The following PLA2G4A variants were observed in gnomAD, a reference collection of about 807,000 sequenced individuals.
PLA2G4A encodes the protein cytosolic phospholipase A2.
PLA2G4A carries 40 observed loss-of-function variants against 81.9 expected under a neutral mutation model. The ratio of observed to expected loss-of-function variants is 0.49; its 90% confidence interval spans 0.38 to 0.64. The LOEUF (loss-of-function observed/expected upper bound fraction) is 0.64, where lower values mean the gene tolerates loss of function less well. Among genes scored for constraint, PLA2G4A ranks in the 30% least tolerant of loss-of-function variants. PLA2G4A has a pLI of 0.00. For synonymous variants in PLA2G4A, 302 were observed against 296.9 expected (o/e 1.02, Z -0.18); for missense variants, 715 against 905.1 (o/e 0.79, Z 2.69).
intron 5 of PLA2G4A, among the ~76,000 whole-genome samples, chr1:186,897,408 A>G (rs1362438193): frequency 6.6e-6 from 1 of 152,212 alleles, no homozygotes; most frequent in African/African-American, 2.4e-5. Context: ...CTTCATCTGT[A>G]AAATGAAGGG....
intron 15 of PLA2G4A, among the ~76,000 whole-genome samples, chr1:186,976,176 T>C (rs1011271764): frequency 2.6e-5 from 4 of 152,158 alleles, no homozygotes; most frequent in Non-Finnish European, 5.9e-5. Flanking sequence ...CCATGAATGT[T>C]TTACTCACTG....
chr1:186,853,832 T>C (rs12720496), intron 1 of PLA2G4A, among the ~76,000 whole-genome samples: 8,626 of 152,008 alleles, frequency 0.057, 825 homozygotes, highest in African/African-American at 0.2. Flanking sequence ...AAATTCAACA[T>C]GAATGTACTT....
At chr1:186,848,746 T>C (rs1213248854) in intron 1 of PLA2G4A, among the ~76,000 whole-genome samples, 8 of 149,018 alleles carry the variant, frequency 5.4e-5, no homozygotes, top group Non-Finnish European at 1.0e-4. Flanking sequence ...CACACACACA[T>C]ACACACATAC....
intron 7 of PLA2G4A, among the ~76,000 whole-genome samples, chr1:186,914,371 G>A (rs1655067733): frequency 6.8e-6 from 1 of 147,802 alleles, no homozygotes; most frequent in Non-Finnish European, 1.5e-5. Flanking sequence ...CAAAGTGCTA[G>A]TGTAGCAGGA....
chr1:186,972,465 T>A lies in PLA2G4A; in HGVS notation c.1765-5128T>A, dbSNP rs149385856. Among the ~76,000 whole-genome samples, 73 of 152,194 alleles carry A rather than the reference T, an allele frequency of 4.8e-4. 1 individual carries two copies. Among genetic ancestry groups the A allele is most frequent in the African/African-American group, 1.7e-3 (69 of 41,522 alleles). ...AGGGGAAAATGAAGGGACTTTGGGT[T>A]TTGTCGGGGAGCAAGAAAGCAAGGA... On this transcript the variant is annotated intron_variant, in intron 15 of 17. Coordinates refer to ENST00000367466, the MANE Select transcript of PLA2G4A (RefSeq NM_024420.3).
At chr1:186,896,237 G>A (rs774702086) in intron 5 of PLA2G4A, among the ~76,000 whole-genome samples, 3 of 152,174 alleles carry the variant, frequency 2.0e-5, no homozygotes, top group Non-Finnish European at 2.9e-5. Context: ...TTTCTGGTAC[G>A]TATTAGGCAC....
intron 17 of PLA2G4A, among the ~76,000 whole-genome samples, chr1:186,980,309 A>G (rs1378710423): frequency 6.6e-6 from 1 of 152,194 alleles, no homozygotes; most frequent in Admixed American, 6.5e-5. Flanking sequence ...TGTCTTCAGT[A>G]TCAATCCTTC....
intron 2 of PLA2G4A, among the ~76,000 whole-genome samples, chr1:186,856,670 TAAGATAATGTAAGCCTAC>T (rs890167425): frequency 4.6e-5 from 7 of 151,910 alleles, no homozygotes; most frequent in African/African-American, 1.7e-4. Flanking sequence ...ATAATAACCA[TAAGATAATGTAAGCCTAC>T]AGTGTAAGGG....
chr1:186,928,195 T>G (rs1017255914), intron 7 of PLA2G4A, among the ~76,000 whole-genome samples: 1 of 152,046 alleles, frequency 6.6e-6, no homozygotes, highest in African/African-American at 2.4e-5. Flanking sequence ...CAGACTGCAC[T>G]CAGCAAGGTG....
intron 15 of PLA2G4A, among the ~76,000 whole-genome samples, chr1:186,972,242 T>G (rs916070620): frequency 2.0e-4 from 31 of 152,090 alleles, no homozygotes; most frequent in African/African-American, 7.2e-4. Flanking sequence ...TACTATTAAT[T>G]TATCTAACAA....
intron 2 of PLA2G4A, among the ~76,000 whole-genome samples, chr1:186,862,681 C>G (rs1163201326): frequency 6.6e-6 from 1 of 152,118 alleles, no homozygotes; most frequent in Non-Finnish European, 1.5e-5. Context: ...ACCATCTGTG[C>G]AAAGACATCT....
chr1:186,956,656 G>T (rs1289183843), intron 14 of PLA2G4A, among the ~76,000 whole-genome samples: 1 of 151,992 alleles, frequency 6.6e-6, no homozygotes, highest in East Asian at 1.9e-4. Flanking sequence ...TGGGACTACA[G>T]GTGCACACCA....
chr1:186,869,541 G>T (rs1307925360), intron 2 of PLA2G4A, among the ~76,000 whole-genome samples: 1 of 152,028 alleles, frequency 6.6e-6, no homozygotes, highest in African/African-American at 2.4e-5. Flanking sequence ...TTATCAATCT[G>T]TCTACACTTT....
At chr1:186,893,918 C>A (rs1441251890) in intron 4 of PLA2G4A, among the ~76,000 whole-genome samples, 180 bp from the exon 5 acceptor site, 584 of 117,898 alleles carry the variant, frequency 5.0e-3, no homozygotes, top group African/African-American at 9.7e-3. Flanking sequence ...GACCCTGTCT[C>A]AAAAAAAAAA....
intron 17 of PLA2G4A, among the ~76,000 whole-genome samples, chr1:186,986,242 T>A (rs1286580467): frequency 6.6e-6 from 1 of 152,232 alleles, no homozygotes; most frequent in Non-Finnish European, 1.5e-5. Context: ...TGATTTTTTT[T>A]ATGCTCAAGA....
rs762971884 is a variant in PLA2G4A, at chr1:186,979,399, A to G, written c.2045A>G (p.Asn682Ser). 1 of 1,603,022 alleles carries G rather than the reference A, an allele frequency of 6.2e-7. No individual in the cohort carries two copies. The highest frequency in any genetic ancestry group is 1.1e-5 in the South Asian group (1 of 90,848). Residue 682 changes from asparagine (N) to serine (S), a missense_variant, in exon 17 of 18, where the codon AAT becomes AGT. By Grantham distance (46) the Asn-to-Ser change is conservative. Transcript: ENST00000367466. ...CCAGAATCACCATTTTCAACCTTCA[A>G]TTTTCAATATCCAAATCAAGCATTC... ...DDPESPFSTF[N>S]FQYPNQAFKR...
intron 3 of PLA2G4A, among the ~76,000 whole-genome samples, chr1:186,887,893 C>T (rs1653992215): frequency 6.6e-6 from 1 of 152,096 alleles, no homozygotes; most frequent in South Asian, 2.1e-4. Context: ...TTATTGTAAT[C>T]CAACTTTAAA....
chr1:186,951,480 AAAC>A (rs931712652), intron 13 of PLA2G4A, among the ~76,000 whole-genome samples: 56 of 152,192 alleles, frequency 3.7e-4, no homozygotes, highest in Admixed American at 7.9e-4. Context: ...ACAAAAACAA[AAAC>A]AACAACAACA....
intron 10 of PLA2G4A, among the ~76,000 whole-genome samples, chr1:186,942,975 T>C (rs1337823176): frequency 6.6e-6 from 1 of 152,154 alleles, no homozygotes. Flanking sequence ...AAGGTACATG[T>C]CTTGAGTGTT....
Sources: allele counts gnomAD v4.1 joint callset (sites outside exome capture counted in the v4.1 genomes callset), GRCh38; gene constraint gnomAD v4.1.1; transcripts MANE v1.5; gene names NCBI Gene and HGNC (gene_info 2026-07-23, HGNC 2026-07-21).